Variants in CAST observed in about 807,000 individuals in gnomAD.
CAST encodes the protein calpastatin.
In CAST, 76 loss-of-function variants were observed where a neutral mutation model predicts 119.6. The ratio of observed to expected loss-of-function variants is 0.64; its 90% confidence interval spans 0.53 to 0.77. CAST has a LOEUF of 0.77. CAST is among the 30% of genes least tolerant of loss of function. The pLI is 0.00. For missense variants in CAST, 953 were observed against 946.5 expected (o/e 1.01, Z -0.09); for synonymous variants, 319 against 331.6 (o/e 0.96, Z 0.41).
the CAST span, among the ~76,000 whole-genome samples, chr5:96,435,354 G>C: frequency 4.6e-5 from 7 of 152,320 alleles, no homozygotes; most frequent in African/African-American, 1.7e-4. Flanking sequence ...CTCACAAAAA[G>C]AAGATAATAT....
chr5:96,750,644 T>G lies in CAST; in HGVS notation c.1486T>G (p.Cys496Gly), dbSNP rs1561578793. 1 of 1,613,562 alleles carries G rather than the reference T, an allele frequency of 6.2e-7. No homozygotes were observed. The highest frequency in any genetic ancestry group is 1.1e-5 in the South Asian group (1 of 91,064). ...VSEAVCRTSM[C>G]SIQSAPPEPA... Reference sequence around the variant, plus strand: ...GGAGGCTGTGTGTCGGACCTCCATGTGTAGTATACAGTCAGCACCCCCTGA... The same window carrying G: ...GGAGGCTGTGTGTCGGACCTCCATGGGTAGTATACAGTCAGCACCCCCTGA... The change falls in exon 20 of 32, where the codon TGT becomes GGT. Residue 496 changes from cysteine (C) to glycine (G), a missense_variant. Transcript: ENST00000675179.
At chr5:96,671,926 ATCTC>A (rs1750129664) in intron 1 of CAST, among the ~76,000 whole-genome samples, 1 of 152,176 alleles carries the variant, frequency 6.6e-6, no homozygotes, top group South Asian at 2.1e-4. Flanking sequence ...TATTTCATGA[ATCTC>A]TCTCAGTGAA....
At chr5:96,377,218 A>T in the CAST span, among the ~76,000 whole-genome samples, 1 of 151,976 alleles carries the variant, frequency 6.6e-6, no homozygotes, top group Non-Finnish European at 1.5e-5. Context: ...GTAAAAGTCT[A>T]CAAGAAGCTA....
Position 96,757,879 on chromosome 5 carries a change from C to T in CAST, c.1833+225C>T, listed in dbSNP as rs530400197. Among the ~76,000 whole-genome samples the T allele has an allele frequency of 2.2e-4, 33 of 151,960 alleles. No individual in the cohort carries two copies. The East Asian group carries it at 5.8e-3, about 27-fold the overall frequency. On this transcript the variant is annotated intron_variant, in intron 24 of 31. Transcript: ENST00000675179. ...CTAATTTTTGTATTTTTAGTAGAGA[C>T]GGGCTTTCACCATGCTGGCCAGGCT...
chr5:96,663,126 C>G (rs879642444), intron 1 of CAST: 6 of 702,476 alleles, frequency 8.5e-6, no homozygotes, highest in South Asian at 4.4e-5. Flanking sequence ...CGGAGCCAGC[C>G]GGTTGTTGCC....
At chr5:96,262,076 C>T in the CAST span, among the ~76,000 whole-genome samples, 3 of 152,210 alleles carry the variant, frequency 2.0e-5, no homozygotes, top group Non-Finnish European at 4.4e-5. Context: ...CTAAAGCCTG[C>T]ACTTGAAGTT....
At position 96,749,752 on chromosome 5, in the gene CAST, G is replaced by A. The variant is rs140239141; in HGVS notation, c.1429-835G>A. 5.9e-5 allele frequency among the ~76,000 whole-genome samples: 9 copies of A among 152,286 alleles called. 1 individual carries two copies. In the East Asian group the frequency reaches 1.7e-3, roughly 29 times the overall value. On this transcript the variant is annotated intron_variant, in intron 19 of 31. Transcript: ENST00000675179. ...TGCAGAGCTGGGGTTTGGCCATGTT[G>A]CCCAGGCTGATTCAAACTCCTGGAC...
At chr5:96,645,974 A>C (rs1033477537) in intron 1 of CAST, among the ~76,000 whole-genome samples, 1 of 152,086 alleles carries the variant, frequency 6.6e-6, no homozygotes, top group Non-Finnish European at 1.5e-5. Context: ...GGCAAAGGTC[A>C]CAAATATAGA....
the CAST span, among the ~76,000 whole-genome samples, chr5:96,363,648 G>A: frequency 2.6e-5 from 4 of 152,116 alleles, no homozygotes; most frequent in African/African-American, 7.2e-5. Flanking sequence ...TCTGTTATTG[G>A]TGTATAAGAA....
chr5:96,057,765 C>A, the CAST span, among the ~76,000 whole-genome samples: 2 of 152,070 alleles, frequency 1.3e-5, no homozygotes, highest in Non-Finnish European at 2.9e-5. Flanking sequence ...AAGAACTAAC[C>A]CTTCTGGATA....
the CAST span, among the ~76,000 whole-genome samples, chr5:96,280,996 A>G: frequency 6.6e-6 from 1 of 152,318 alleles, no homozygotes; most frequent in African/African-American, 2.4e-5. Context: ...TAGAAACAAT[A>G]TGCCCATGGC....
At chr5:96,649,267 G>A (rs73774348) in intron 1 of CAST, among the ~76,000 whole-genome samples, 2,357 of 152,190 alleles carry the variant, frequency 0.015, 61 homozygotes, top group African/African-American at 0.053. Context: ...TTTCTGACAA[G>A]GACAATAAAT....
At chr5:96,738,265 C>T (rs1457206708) in intron 11 of CAST, among the ~76,000 whole-genome samples, 3 of 151,886 alleles carry the variant, frequency 2.0e-5, no homozygotes, top group Admixed American at 6.6e-5. Context: ...GAGGTTGCAG[C>T]GAGCTGAGAT....
At chr5:96,065,112 T>G in the CAST span, among the ~76,000 whole-genome samples, 5 of 152,158 alleles carry the variant, frequency 3.3e-5, no homozygotes, top group Non-Finnish European at 7.3e-5. Context: ...ATGAGTCAGT[T>G]CAAAAGGTTA....
chr5:96,177,877 C>G, the CAST span, among the ~76,000 whole-genome samples: 3 of 152,182 alleles, frequency 2.0e-5, no homozygotes, highest in Non-Finnish European at 2.9e-5. Context: ...CCTGTTGATT[C>G]TTAACAACTT....
chr5:96,353,092 G>A, the CAST span, among the ~76,000 whole-genome samples: 2 of 151,510 alleles, frequency 1.3e-5, no homozygotes, highest in Non-Finnish European at 2.9e-5. Flanking sequence ...ATACCAGAAA[G>A]AGGCAAAAAC....
At chr5:96,373,384 T>A in the CAST span, among the ~76,000 whole-genome samples, 1 of 152,226 alleles carries the variant, frequency 6.6e-6, no homozygotes, top group South Asian at 2.1e-4. Flanking sequence ...TATTTTTCTG[T>A]CCCAAAATAC....
intron 1 of CAST, among the ~76,000 whole-genome samples, chr5:96,619,606 A>T (rs1344674406): frequency 6.6e-6 from 1 of 152,158 alleles, no homozygotes; most frequent in South Asian, 2.1e-4. Flanking sequence ...CGCTTCCTTT[A>T]TGAGCTGTAA....
At chr5:96,072,375 C>T in the CAST span, among the ~76,000 whole-genome samples, 1 of 152,142 alleles carries the variant, frequency 6.6e-6, no homozygotes, top group East Asian at 1.9e-4. Flanking sequence ...GGCTGGAGAA[C>T]ATGAATTTGC....
Sources: allele counts gnomAD v4.1 joint callset (sites outside exome capture counted in the v4.1 genomes callset), GRCh38; gene constraint gnomAD v4.1.1; transcripts MANE v1.5; gene names NCBI Gene and HGNC (gene_info 2026-07-23, HGNC 2026-07-21).